RASGRF2: variants seen among roughly 807,000 people sequenced by gnomAD.
The protein encoded by RASGRF2 is ras-specific guanine nucleotide-releasing factor 2.
In RASGRF2, 76 loss-of-function variants were observed where a neutral mutation model predicts 151.0. That is an observed-to-expected ratio of 0.50 (90% CI 0.42 to 0.61). RASGRF2 has a LOEUF of 0.61. Ranked by LOEUF, RASGRF2 falls within the 20% of genes least tolerant of loss-of-function variation. The pLI, the probability that RASGRF2 is intolerant of heterozygous loss-of-function variation, is 0.00. For synonymous variants in RASGRF2, 504 were observed against 566.5 expected, an observed-to-expected ratio of 0.89 and a Z score of 1.57; for missense variants, 1,148 against 1,564.6, an observed-to-expected ratio of 0.73 and a Z score of 4.49.
At chr5:81,068,967 G>A (rs1751694995) in intron 3 of RASGRF2, among the ~76,000 whole-genome samples, 1 of 152,164 alleles carries the variant, frequency 6.6e-6, no homozygotes, top group African/African-American at 2.4e-5. Flanking sequence ...CCCTCTTTCT[G>A]CCCAGGGATG....
chr5:81,006,885 G>T (rs1223050406), intron 1 of RASGRF2, among the ~76,000 whole-genome samples: 1 of 152,126 alleles, frequency 6.6e-6, no homozygotes, highest in African/African-American at 2.4e-5. Flanking sequence ...TTATAGACTT[G>T]TCACAAACCA....
intron 18 of RASGRF2, among the ~76,000 whole-genome samples, chr5:81,199,703 G>A (rs1255261739): frequency 6.6e-6 from 1 of 152,032 alleles, no homozygotes; most frequent in Non-Finnish European, 1.5e-5. Flanking sequence ...TTTGAGACCA[G>A]CCTGGCCAAC....
chr5:80,981,534 C>T (rs55796154), intron 1 of RASGRF2, among the ~76,000 whole-genome samples: 41,433 of 151,552 alleles, frequency 0.27, 6,062 homozygotes, highest in Middle Eastern at 0.43. Flanking sequence ...TGTGTATGTG[C>T]GTGTTTGTGT....
intron 12 of RASGRF2, among the ~76,000 whole-genome samples, chr5:81,100,132 C>G (rs1328516351): frequency 2.6e-5 from 4 of 152,080 alleles, no homozygotes; most frequent in South Asian, 4.1e-4. Context: ...TGGTCTCAAT[C>G]TCCTGACCTC....
intron 17 of RASGRF2, among the ~76,000 whole-genome samples, chr5:81,144,741 T>C (rs1409237637): frequency 6.6e-6 from 1 of 152,218 alleles, no homozygotes; most frequent in African/African-American, 2.4e-5. Flanking sequence ...TGTTAACTTA[T>C]TGTGAAGTAG....
chr5:81,131,680 G>T (rs888687992), intron 17 of RASGRF2, among the ~76,000 whole-genome samples: 1 of 131,720 alleles, frequency 7.6e-6, no homozygotes, highest in Non-Finnish European at 1.6e-5. Flanking sequence ...TCCTTTAAAA[G>T]AAAAGAAAAA....
chr5:80,975,708 G>A (rs928862268), intron 1 of RASGRF2, among the ~76,000 whole-genome samples: 2 of 152,144 alleles, frequency 1.3e-5, no homozygotes, highest in Non-Finnish European at 2.9e-5. Flanking sequence ...TATATATTTT[G>A]AGGGTACCAA....
chr5:80,986,128 CTT>C (rs1379553902), intron 1 of RASGRF2, among the ~76,000 whole-genome samples: 9 of 152,102 alleles, frequency 5.9e-5, no homozygotes, highest in African/African-American at 2.2e-4. Context: ...TTAAATAAAA[CTT>C]TATAGATGCC....
At chr5:81,068,007 A>G in intron 2 of RASGRF2, 25 bp from the exon 3 acceptor site, 1 of 1,574,870 alleles carries the variant, frequency 6.3e-7, no homozygotes, top group Non-Finnish European at 8.6e-7. Context: ...TATCTCAATG[A>G]CTAACTGTGT....
chr5:81,179,363 C>T (rs889164403), intron 17 of RASGRF2, among the ~76,000 whole-genome samples: 2 of 152,072 alleles, frequency 1.3e-5, no homozygotes, highest in African/African-American at 4.8e-5. Flanking sequence ...GAGGTAGGTA[C>T]GCTTATTATC....
intron 1 of RASGRF2, among the ~76,000 whole-genome samples, chr5:81,024,417 G>T (rs1021076309): frequency 1.3e-5 from 2 of 151,316 alleles, no homozygotes; most frequent in East Asian, 1.9e-4. Context: ...CCACCACCAC[G>T]CCAGGCTAAT....
intron 12 of RASGRF2, among the ~76,000 whole-genome samples, chr5:81,100,207 A>T (rs61194622): frequency 0.034 from 5,159 of 152,156 alleles, 272 homozygotes; most frequent in African/African-American, 0.11. Flanking sequence ...GCGCCCGGCC[A>T]CTATTTTTCT....
chr5:81,123,068 A>G (rs56288030), intron 15 of RASGRF2, among the ~76,000 whole-genome samples: 2,515 of 152,268 alleles, frequency 0.017, 83 homozygotes, highest in African/African-American at 0.058. Flanking sequence ...TGAGCACTCA[A>G]TGTAGTGCAA....
chr5:80,975,628 G>A (rs1018715161), intron 1 of RASGRF2, among the ~76,000 whole-genome samples: 1 of 151,992 alleles, frequency 6.6e-6, no homozygotes, highest in Non-Finnish European at 1.5e-5. Context: ...CAAAAGAAAA[G>A]AAAAATATCA....
At chr5:81,220,957 GGA>G (rs1336532615) in intron 26 of RASGRF2, among the ~76,000 whole-genome samples, 1 of 152,118 alleles carries the variant, frequency 6.6e-6, no homozygotes, top group African/African-American at 2.4e-5. Flanking sequence ...ACTGTTTTGA[GGA>G]GTAGAGGTCA....
intron 1 of RASGRF2, among the ~76,000 whole-genome samples, chr5:81,036,300 C>G (rs780801184): frequency 2.0e-5 from 3 of 151,994 alleles, no homozygotes; most frequent in Non-Finnish European, 2.9e-5. Flanking sequence ...CTCCTGCCAT[C>G]TTCTTACCTT....
Position 81,180,205 on chromosome 5 carries a change from A to T in RASGRF2, c.2717A>T (p.Lys906Ile). 1 of 1,612,284 alleles carries T rather than the reference A, an allele frequency of 6.2e-7. No individual in the cohort carries two copies. The highest frequency in any genetic ancestry group is 1.1e-5 in the South Asian group (1 of 91,028). Reference protein sequence around the residue: ...GFNNTERTCDKEFIIRRTATN... With the variant: ...GFNNTERTCDIEFIIRRTATN... ...AACAACACCGAGAGAACATGTGATA[A>T]AGAGTTTATTATACGGAGAACGGCT... Residue 906 changes from lysine to isoleucine, a missense_variant, in exon 18 of 27, where the codon AAA becomes ATA. Coordinates refer to ENST00000265080, the MANE Select transcript of RASGRF2 (RefSeq NM_006909.3).
At chr5:81,132,871 T>C (rs1454285533) in intron 17 of RASGRF2, among the ~76,000 whole-genome samples, 1 of 152,168 alleles carries the variant, frequency 6.6e-6, no homozygotes, top group Non-Finnish European at 1.5e-5. Flanking sequence ...AATATAAAAT[T>C]ATAAATATAA....
intron 1 of RASGRF2, among the ~76,000 whole-genome samples, chr5:81,020,017 C>G (rs1476387975): frequency 6.6e-6 from 1 of 152,114 alleles, no homozygotes; most frequent in African/African-American, 2.4e-5. Context: ...TACATTTGTT[C>G]TCTGTAAAAA....
Sources: allele counts gnomAD v4.1 joint callset (sites outside exome capture counted in the v4.1 genomes callset), GRCh38; gene constraint gnomAD v4.1.1; transcripts MANE v1.5; gene names NCBI Gene and HGNC (gene_info 2026-07-23, HGNC 2026-07-21).